TULP4: variants seen among roughly 807,000 people sequenced by gnomAD.
TULP4 encodes TUB like protein 4, also known as tubby-related protein 4.
In TULP4, 16 loss-of-function variants were observed where a neutral mutation model predicts 129.0. The ratio of observed to expected loss-of-function variants is 0.12; its 90% CI spans 0.08 to 0.19. The LOEUF is 0.19. TULP4 is among the 10% of genes least tolerant of loss of function. TULP4 has a pLI of 1.00. For synonymous variants in TULP4, 998 were observed against 854.0 expected, an observed-to-expected ratio of 1.17 and a Z score of -2.94; for missense variants, 1,842 against 2,059.1, an observed-to-expected ratio of 0.89 and a Z score of 2.04.
intron 3 of TULP4, among the ~76,000 whole-genome samples, chr6:158,447,395 C>G (rs1282660556): frequency 6.6e-6 from 1 of 152,168 alleles, no homozygotes; most frequent in South Asian, 2.1e-4. Flanking sequence ...TTAATTGCTG[C>G]GTCTGGAGGC....
chr6:158,372,748 T>G (rs1016802150), intron 1 of TULP4, among the ~76,000 whole-genome samples: 1 of 152,198 alleles, frequency 6.6e-6, no homozygotes, highest in Non-Finnish European at 1.5e-5. Context: ...CTCAGGACTT[T>G]CATATGATGA....
intron 1 of TULP4, among the ~76,000 whole-genome samples, chr6:158,391,370 T>C (rs1410825558): frequency 6.6e-6 from 1 of 152,200 alleles, no homozygotes; most frequent in African/African-American, 2.4e-5. Context: ...TAATTGTATG[T>C]GTAGAGTGCA....
chr6:158,489,172 G>A (rs1780137551), intron 8 of TULP4, among the ~76,000 whole-genome samples: 1 of 152,146 alleles, frequency 6.6e-6, no homozygotes, highest in Non-Finnish European at 1.5e-5. Context: ...CTTGGCATCC[G>A]CAAGGGCCTT....
intron 1 of TULP4, among the ~76,000 whole-genome samples, chr6:158,374,583 C>T (rs997256451): frequency 4.6e-5 from 7 of 152,170 alleles, no homozygotes; most frequent in Non-Finnish European, 1.0e-4. Flanking sequence ...CCTTTTTTCC[C>T]ATGTAATTTC....
In TULP4 at chr6:158,461,575, A is replaced by G. The variant is rs1583903461; in HGVS notation, c.872A>G (p.Gln291Arg). The G allele has an allele frequency of 7.4e-6, 12 of 1,613,438 alleles. No homozygotes were observed. The highest frequency in any genetic ancestry group is 1.0e-5 in the Non-Finnish European group (12 of 1,179,752). The change falls in exon 6 of 14, where the codon CAG becomes CGG. Residue 291 changes from glutamine to arginine, a missense_variant. Around this residue, in one of 5 missense-constraint regions of TULP4, gnomAD observed 456 missense variants for 534.3 expected, o/e 0.85. Coordinates refer to ENST00000367097, the MANE Select transcript of TULP4 (RefSeq NM_020245.5). ...TCCTCTGTTTCAGAGGTGGTAGCCC[A>G]GTGGTGCACACAGGGGGACTTGCTG... ...IRSGLKEVVA[Q>R]WCTQGDLLAV...
Position 158,313,136 on chromosome 6 carries a change from C to T in TULP4, c.-881C>T, listed in dbSNP as rs894338502. The T allele has an allele frequency of 1.8e-5, 4 of 218,510 alleles. No homozygotes were observed. Among genetic ancestry groups the T allele is most frequent in the African/African-American group, 9.1e-5 (4 of 44,122 alleles). The allele number at this position is 218,510 out of a possible 1,614,324, so 13.5% of individuals were successfully genotyped here. On this transcript the variant is annotated 5_prime_UTR_variant, in exon 1 of 14. Transcript: ENST00000367097. ...AAGAGGATTTAAGACTCACCCAGGG[C>T]AAACACTGGGACCACTGTAAGAGCG...
rs543202290 is a variant in TULP4 at position 158,423,133 on chromosome 6, G to C, written c.382-6603G>C. 5.5e-4 allele frequency among the ~76,000 whole-genome samples: 83 copies of C among 150,656 alleles called. 2 individuals are homozygous for C. In the South Asian group the frequency reaches 0.016, roughly 29 times the overall value. ...CCTCCACAAAAAAGAGGGGGGGGGG[G>C]GGAAAGAAACCTTCCCAGGACCCCT... On this transcript the variant is annotated intron_variant, in intron 2 of 13. Transcript: ENST00000367097.
At chr6:158,498,069 T>A (rs960067318) in intron 11 of TULP4, among the ~76,000 whole-genome samples, 12 of 152,250 alleles carry the variant, frequency 7.9e-5, no homozygotes, top group African/African-American at 2.9e-4. Context: ...TCAAATTAAA[T>A]CTTGAGGTTT....
intron 2 of TULP4, among the ~76,000 whole-genome samples, chr6:158,415,193 G>A (rs957762280): frequency 6.6e-6 from 1 of 152,174 alleles, no homozygotes; most frequent in Admixed American, 6.5e-5. Context: ...CATGACTCGT[G>A]TTTGTGGTGT....
chr6:158,452,835 A>G (rs1301055554), intron 5 of TULP4, among the ~76,000 whole-genome samples: 1 of 152,232 alleles, frequency 6.6e-6, no homozygotes, highest in Non-Finnish European at 1.5e-5. Flanking sequence ...ATCTCAAAAG[A>G]AAATCAGTGG....
chr6:158,350,761 G>A (rs1467067025), intron 1 of TULP4, among the ~76,000 whole-genome samples: 2 of 137,796 alleles, frequency 1.5e-5, no homozygotes, highest in Non-Finnish European at 3.2e-5. Context: ...GGAGAGGGGA[G>A]AGCTTTTTTT....
chr6:158,272,386 G>T (rs1257687418), intron 1 of TULP4, among the ~76,000 whole-genome samples: 1 of 152,130 alleles, frequency 6.6e-6, no homozygotes, highest in East Asian at 1.9e-4. Context: ...GCTCGTATTT[G>T]TTTTTTATGC....
intron 1 of TULP4, among the ~76,000 whole-genome samples, chr6:158,367,793 C>A (rs1463252861): frequency 6.6e-6 from 1 of 152,010 alleles, no homozygotes; most frequent in Non-Finnish European, 1.5e-5. Context: ...ACAATCCCAG[C>A]ACTTTGGGAG....
chr6:158,243,813 G>A (rs1318734488), intron 1 of TULP4, among the ~76,000 whole-genome samples: 1 of 148,028 alleles, frequency 6.8e-6, no homozygotes, highest in African/African-American at 2.5e-5. Context: ...TTACAATATG[G>A]TTACATCCTG....
In TULP4 at chr6:158,262,512, T is replaced by C. The variant is rs545477301; in HGVS notation, n.68+30209T>C. Among the ~76,000 whole-genome samples the C allele has an allele frequency of 5.3e-5, 8 of 152,304 alleles. No homozygotes were observed. The South Asian group carries it at 1.7e-3, about 32-fold the overall frequency. On this transcript the variant is annotated intron_variant and non_coding_transcript_variant, in intron 1 of 1. Coordinates refer to the TULP4 transcript ENST00000620026. The stretch of plus-strand genomic sequence containing the variant: ...GCACATTGTTCTTTGCAGGGACAGC[T>C]AGCTGCTGGGCACAATGGGGCACAA...
rs1777536950 is a variant in TULP4, at chr6:158,389,477, A to G, written c.253-23588A>G. Among the ~76,000 whole-genome samples the G allele has an allele frequency of 2.6e-5, 4 of 152,066 alleles. No homozygotes were observed. The South Asian group carries it at 8.3e-4, about 32-fold the overall frequency. ...TCTCTCTCTCAAAACAAACAAACAA[A>G]CAAGAATTCATAAAAGGCAACTTTT... On this transcript the variant is annotated intron_variant, in intron 1 of 13. Transcript: ENST00000367097.
At chr6:158,236,906 C>T (rs1777721693) in intron 1 of TULP4, among the ~76,000 whole-genome samples, 1 of 144,050 alleles carries the variant, frequency 6.9e-6, no homozygotes, top group African/African-American at 2.6e-5. Flanking sequence ...CTCCGCCTCC[C>T]AGTTTCAAGC....
intron 9 of TULP4, among the ~76,000 whole-genome samples, chr6:158,492,041 G>A (rs1313014478): frequency 6.6e-6 from 1 of 151,722 alleles, no homozygotes; most frequent in African/African-American, 2.4e-5. Context: ...GTATTTTTTA[G>A]TAGAGATGGG....
intron 1 of TULP4, among the ~76,000 whole-genome samples, chr6:158,339,081 TC>T (rs1026912102): frequency 5.9e-5 from 9 of 152,252 alleles, no homozygotes; most frequent in Admixed American, 2.0e-4. Context: ...CCCCAGTAAT[TC>T]AACGTGAGTC....
Sources: gnomAD v4.1 joint callset for allele counts (sites outside exome capture counted in the v4.1 genomes callset) on GRCh38, gnomAD v4.1.1 for gene constraint, gnomAD v4.1.1 regional missense constraint, MANE v1.5 for transcripts, NCBI Gene and HGNC (gene_info 2026-07-23, HGNC 2026-07-21) for gene names.